CCDC170: variants seen among roughly 807,000 people sequenced by gnomAD.
The protein encoded by CCDC170 is coiled-coil domain containing 170, also known as coiled-coil domain-containing protein 170.
A neutral mutation model predicts 72.6 loss-of-function variants in CCDC170; 69 were observed. That is an observed-to-expected ratio of 0.95 (90% confidence interval 0.78 to 1.16). The LOEUF is 1.16. Among genes scored for constraint, CCDC170 ranks in the 50% most tolerant of loss-of-function variants. CCDC170 has a pLI of 0.00. For missense variants in CCDC170, 852 were observed against 832.5 expected, an observed-to-expected ratio of 1.02 and a Z score of -0.29; for synonymous variants, 300 against 303.9, an observed-to-expected ratio of 0.99 and a Z score of 0.13.
In CCDC170 at chr6:151,618,038, A is replaced by C; in HGVS notation, c.2039A>C (p.Glu680Ala). ...LPDYEIIKCLERLVHSHQHHF... is the reference protein window; with the variant it reads ...LPDYEIIKCLARLVHSHQHHF... ...GATTATGAAATCATCAAGTGTCTTG[A>C]AAGATTGGTCCATTCACATCAGCAT... The change falls in exon 11 of 11, where the codon GAA becomes GCA. Residue 680 changes from glutamate (E) to alanine (A), a missense_variant. By Grantham distance (107) the Glu-to-Ala change is moderately radical (BLOSUM62 -1). Transcript: ENST00000239374. The C allele has an allele frequency of 6.2e-7, 1 of 1,614,178 alleles. No individual in the cohort carries two copies. The highest frequency in any genetic ancestry group is 1.1e-5 in the South Asian group (1 of 91,084).
chr6:151,512,489 A>G (rs1471953579), intron 1 of CCDC170, among the ~76,000 whole-genome samples: 1 of 152,166 alleles, frequency 6.6e-6, no homozygotes, highest in African/African-American at 2.4e-5. Flanking sequence ...AAATAAACAC[A>G]TATTTAAATT....
intron 1 of CCDC170, among the ~76,000 whole-genome samples, chr6:151,533,487 G>A (rs949072916): frequency 6.6e-6 from 1 of 151,776 alleles, no homozygotes; most frequent in South Asian, 2.1e-4. Flanking sequence ...GACCAACATG[G>A]AGAAACCCCA....
chr6:151,565,377 T>C (rs1278728830), intron 5 of CCDC170, among the ~76,000 whole-genome samples: 1 of 152,096 alleles, frequency 6.6e-6, no homozygotes, highest in African/African-American at 2.4e-5. Flanking sequence ...TGTGAGGGGC[T>C]CTCTGGTGGC....
intron 5 of CCDC170, among the ~76,000 whole-genome samples, chr6:151,564,726 C>A (rs1372804722): frequency 6.6e-6 from 1 of 152,116 alleles, no homozygotes. Context: ...TGCTCAGGTG[C>A]TAATGATGGT....
chr6:151,543,820 A>T (rs1292940641), intron 3 of CCDC170, among the ~76,000 whole-genome samples: 5 of 152,190 alleles, frequency 3.3e-5, no homozygotes, highest in Non-Finnish European at 7.4e-5. Context: ...TAAAAGGCTG[A>T]GTAGTATTCC....
At chr6:151,564,921 C>T (rs375306382) in intron 5 of CCDC170, among the ~76,000 whole-genome samples, 25 of 152,184 alleles carry the variant, frequency 1.6e-4, no homozygotes, top group East Asian at 5.8e-4. Flanking sequence ...ATAGGGGAGG[C>T]GGTAGCTGCA....
chr6:151,531,818 C>T (rs537913531), intron 1 of CCDC170, among the ~76,000 whole-genome samples: 6 of 152,082 alleles, frequency 3.9e-5, no homozygotes, highest in Non-Finnish European at 7.4e-5. Flanking sequence ...AGGAGAAGTG[C>T]AGAGCAAAAG....
intron 8 of CCDC170, among the ~76,000 whole-genome samples, chr6:151,594,195 A>T (rs1045781738): frequency 6.6e-6 from 1 of 152,204 alleles, no homozygotes; most frequent in Admixed American, 6.5e-5. Context: ...CTTAGGAGAG[A>T]AATGCTATGA....
At chr6:151,590,048 C>T (rs1363053117) in intron 7 of CCDC170, among the ~76,000 whole-genome samples, 1 of 152,138 alleles carries the variant, frequency 6.6e-6, no homozygotes, top group Admixed American at 6.5e-5. Context: ...CTCCTTACCT[C>T]CTTCACCTGG....
intron 6 of CCDC170, among the ~76,000 whole-genome samples, chr6:151,583,470 T>A (rs936324874): frequency 6.6e-6 from 1 of 152,052 alleles, no homozygotes; most frequent in East Asian, 1.9e-4. Context: ...CGCTTTTTTT[T>A]ATTTGAGATG....
At chr6:151,591,869 AT>A (rs976244136) in intron 7 of CCDC170, among the ~76,000 whole-genome samples, 6 of 152,104 alleles carry the variant, frequency 3.9e-5, no homozygotes, top group African/African-American at 1.2e-4. Context: ...GTTGTTCGAA[AT>A]TTTGTTTGTA....
intron 1 of CCDC170, among the ~76,000 whole-genome samples, chr6:151,521,917 C>T (rs913321139): frequency 5.7e-5 from 8 of 140,494 alleles, no homozygotes; most frequent in Non-Finnish European, 1.1e-4. Flanking sequence ...ACCCAGGAGG[C>T]GGAGCTTGTA....
intron 1 of CCDC170, among the ~76,000 whole-genome samples, chr6:151,502,139 A>T (rs1295240489): frequency 2.6e-5 from 4 of 152,160 alleles, no homozygotes; most frequent in Non-Finnish European, 4.4e-5. Flanking sequence ...AGGCATGGTG[A>T]CCCATACCTG....
intron 9 of CCDC170, among the ~76,000 whole-genome samples, chr6:151,601,221 A>T (rs1776704012): frequency 6.6e-6 from 1 of 152,134 alleles, no homozygotes; most frequent in Non-Finnish European, 1.5e-5. Flanking sequence ...AAACCATCAG[A>T]TCTTGTAAAA....
At chr6:151,546,017 G>A (rs935916722) in intron 4 of CCDC170, among the ~76,000 whole-genome samples, 33 of 151,916 alleles carry the variant, frequency 2.2e-4, no homozygotes, top group African/African-American at 7.7e-4. Flanking sequence ...GGCTCAAGCG[G>A]TTCTCCCACC....
intron 1 of CCDC170, among the ~76,000 whole-genome samples, chr6:151,530,876 T>C (rs1782482124): frequency 6.6e-6 from 1 of 152,196 alleles, no homozygotes; most frequent in African/African-American, 2.4e-5. Flanking sequence ...CTGATAATTG[T>C]TAGTTCTTCT....
At chr6:151,557,439 TGGTGGACACTTC>T (rs933153323) in intron 5 of CCDC170, among the ~76,000 whole-genome samples, 11 of 151,888 alleles carry the variant, frequency 7.2e-5, no homozygotes, top group African/African-American at 2.7e-4. Flanking sequence ...ATTCATCCGT[TGGTGGACACTTC>T]GGTTGATTCC....
chr6:151,519,555 T>G (rs1006425237), intron 1 of CCDC170, among the ~76,000 whole-genome samples: 2 of 152,216 alleles, frequency 1.3e-5, no homozygotes, highest in African/African-American at 4.8e-5. Context: ...GATTGAGAGA[T>G]TAAAGTAAAG....
chr6:151,557,640 T>C (rs1388074133), intron 5 of CCDC170, among the ~76,000 whole-genome samples: 1 of 152,170 alleles, frequency 6.6e-6, no homozygotes, highest in East Asian at 1.9e-4. Flanking sequence ...GCCATACAAA[T>C]TTACATTCCC....
Sources: gnomAD v4.1 joint callset for allele counts (sites outside exome capture counted in the v4.1 genomes callset) on GRCh38, gnomAD v4.1.1 for gene constraint, MANE v1.5 for transcripts, NCBI Gene and HGNC (gene_info 2026-07-23, HGNC 2026-07-21) for gene names.